Variants in ATRNL1 observed in about 807,000 individuals in gnomAD.
ATRNL1 encodes attractin-like protein 1.
ATRNL1 carries 95 observed loss-of-function variants against 182.7 expected under a neutral mutation model. That is an observed-to-expected ratio of 0.52 (90% CI 0.44 to 0.62). The LOEUF is 0.62. Ranked by LOEUF, ATRNL1 falls within the 20% of genes least tolerant of loss-of-function variation. The pLI is 0.00. For synonymous variants in ATRNL1, 576 were observed against 568.3 expected, an observed-to-expected ratio of 1.01 and a Z score of -0.19; for missense variants, 1,471 against 1,679.5, an observed-to-expected ratio of 0.88 and a Z score of 2.17.
chr10:115,619,037 T>C (rs561510511), intron 26 of ATRNL1, among the ~76,000 whole-genome samples: 1 of 152,232 alleles, frequency 6.6e-6, no homozygotes, highest in Non-Finnish European at 1.5e-5. Flanking sequence ...GCTTTGGTTC[T>C]GTGACTGTAC....
At chr10:115,501,678 A>C (rs1849846397) in intron 24 of ATRNL1, among the ~76,000 whole-genome samples, 1 of 152,214 alleles carries the variant, frequency 6.6e-6, no homozygotes, top group South Asian at 2.1e-4. Context: ...TGTTTATAGG[A>C]GTATACTAAA....
chr10:115,120,268 A>G lies in ATRNL1; in HGVS notation c.377A>G (p.Tyr126Cys). The G allele has an allele frequency of 6.7e-7, 1 of 1,484,940 alleles. No homozygotes were observed. Among genetic ancestry groups the G allele is most frequent in the Non-Finnish European group, 9.4e-7 (1 of 1,068,418 alleles). The allele number at this position is 1,484,940 out of a possible 1,614,324, so 92.0% of individuals were successfully genotyped here. Residue 126 changes from tyrosine (Y) to cysteine (C), a missense_variant and splice_region_variant, in exon 2 of 29, where the codon TAT becomes TGT. Physicochemically the swap from Tyr to Cys is radical, Grantham distance 194. Transcript: ENST00000355044. ...AAATGTACTTGGCTCATTGAAGGCTAGTAAGTATACAGTCTGAGTCAAATT... is the reference window on the plus strand; with the variant it reads ...AAATGTACTTGGCTCATTGAAGGCTGGTAAGTATACAGTCTGAGTCAAATT... ...KTKCTWLIEG[Y>C]PNAVLRLRFN...
chr10:115,311,254 A>G (rs1362097553), intron 17 of ATRNL1, among the ~76,000 whole-genome samples: 2 of 150,560 alleles, frequency 1.3e-5, no homozygotes, highest in East Asian at 2.0e-4. Context: ...CCGTGGCACA[A>G]TCTTGGTTCA....
At chr10:115,596,945 T>C (rs1169101557) in intron 26 of ATRNL1, among the ~76,000 whole-genome samples, 1 of 151,894 alleles carries the variant, frequency 6.6e-6, no homozygotes, top group Non-Finnish European at 1.5e-5. Context: ...TACATTTATT[T>C]CCTATTTATT....
At chr10:115,181,309 T>C (rs1847737382) in intron 8 of ATRNL1, among the ~76,000 whole-genome samples, 1 of 151,900 alleles carries the variant, frequency 6.6e-6, no homozygotes, top group African/African-American at 2.4e-5. Flanking sequence ...GCTGCATATG[T>C]AATAGATAGG....
chr10:115,614,628 G>A (rs1490102775), intron 26 of ATRNL1, among the ~76,000 whole-genome samples: 1 of 152,040 alleles, frequency 6.6e-6, no homozygotes, highest in Non-Finnish European at 1.5e-5. Context: ...GAGTGTTCAA[G>A]TACCCAACTG....
intron 26 of ATRNL1, among the ~76,000 whole-genome samples, chr10:115,697,761 A>T (rs1555050316): frequency 6.6e-6 from 1 of 152,164 alleles, no homozygotes; most frequent in Non-Finnish European, 1.5e-5. Context: ...TCTTTATCTT[A>T]ATGCCTCTCT....
chr10:115,162,067 G>A (rs928762192), intron 6 of ATRNL1, among the ~76,000 whole-genome samples: 5 of 151,782 alleles, frequency 3.3e-5, no homozygotes, highest in African/African-American at 9.7e-5. Flanking sequence ...AAAACACTAC[G>A]TGCTTGTTTC....
At chr10:115,647,322 G>T (rs1173348348) in intron 26 of ATRNL1, among the ~76,000 whole-genome samples, 1 of 152,084 alleles carries the variant, frequency 6.6e-6, no homozygotes, top group Non-Finnish European at 1.5e-5. Flanking sequence ...CCCAGTAATG[G>T]GATGGCTGGA....
At chr10:115,431,565 C>A (rs1181326379) in intron 21 of ATRNL1, among the ~76,000 whole-genome samples, 1 of 151,932 alleles carries the variant, frequency 6.6e-6, no homozygotes, top group Non-Finnish European at 1.5e-5. Context: ...CAGTTTTTCC[C>A]TGTATTTTTT....
chr10:115,579,402 G>A (rs2804190), intron 26 of ATRNL1, among the ~76,000 whole-genome samples: 8 of 151,462 alleles, frequency 5.3e-5, no homozygotes, highest in Admixed American at 2.6e-4. Flanking sequence ...TTATTATGTC[G>A]TCTTGATAGA....
intron 26 of ATRNL1, among the ~76,000 whole-genome samples, chr10:115,721,218 G>C (rs1358595604): frequency 6.6e-6 from 1 of 152,052 alleles, no homozygotes; most frequent in East Asian, 1.9e-4. Flanking sequence ...GTGTTATCCA[G>C]GTGACAACAA....
At chr10:115,367,482 G>T (rs1203434669) in intron 19 of ATRNL1, among the ~76,000 whole-genome samples, 1 of 150,346 alleles carries the variant, frequency 6.7e-6, no homozygotes, top group Non-Finnish European at 1.5e-5. Context: ...CCATAGCTCA[G>T]AGTAATTTGA....
intron 26 of ATRNL1, among the ~76,000 whole-genome samples, chr10:115,706,253 A>C (rs1946893867): frequency 2.6e-5 from 4 of 151,842 alleles, no homozygotes; most frequent in African/African-American, 7.2e-5. Flanking sequence ...TGTCAAAACC[A>C]GTACTATCAC....
chr10:115,323,981 G>T (rs1854733580), intron 18 of ATRNL1, among the ~76,000 whole-genome samples: 1 of 150,310 alleles, frequency 6.7e-6, no homozygotes, highest in Non-Finnish European at 1.5e-5. Flanking sequence ...GTTTCACCGT[G>T]TTAGCCAGGA....
At chr10:115,555,536 A>G (rs1339444419) in intron 26 of ATRNL1, among the ~76,000 whole-genome samples, 1 of 151,952 alleles carries the variant, frequency 6.6e-6, no homozygotes, top group Non-Finnish European at 1.5e-5. Flanking sequence ...TTGTGTTAAT[A>G]TTAAATTAGT....
chr10:115,279,264 C>T (rs556573879), intron 13 of ATRNL1, among the ~76,000 whole-genome samples: 1 of 151,466 alleles, frequency 6.6e-6, no homozygotes, highest in Admixed American at 6.6e-5. Context: ...ACTAAGGAGA[C>T]TATTATAATA....
chr10:115,765,604 T>C (rs1475981765), intron 27 of ATRNL1, among the ~76,000 whole-genome samples: 4 of 152,224 alleles, frequency 2.6e-5, no homozygotes, highest in African/African-American at 9.6e-5. Context: ...CTTACTCTCT[T>C]ACATTGTCTT....
rs529520213 is a variant in ATRNL1, at chr10:115,540,207, T to G, written c.3717-9251T>G. Among the ~76,000 whole-genome samples, 49 of 152,190 alleles carry G rather than the reference T, an allele frequency of 3.2e-4. No individual in the cohort carries two copies. In the South Asian group the frequency reaches 3.5e-3, roughly 11 times the overall value. ...CTCTCCTGAGCTGCCTGTGTGCTGATCTGATCCTAATTAACATTATCATAC... is the reference window on the plus strand; with the variant it reads ...CTCTCCTGAGCTGCCTGTGTGCTGAGCTGATCCTAATTAACATTATCATAC... On this transcript the variant is annotated intron_variant, in intron 25 of 28. Transcript: ENST00000355044.
Sources: allele counts gnomAD v4.1 joint callset (sites outside exome capture counted in the v4.1 genomes callset), GRCh38; gene constraint gnomAD v4.1.1; transcripts MANE v1.5; gene names NCBI Gene and HGNC (gene_info 2026-07-23, HGNC 2026-07-21).